Variants in MRC2 observed in about 807,000 individuals in gnomAD.
MRC2 encodes C-type mannose receptor 2.
Under a neutral mutation model 206.2 loss-of-function variants are expected in MRC2, and 84 were observed. The ratio of observed to expected loss-of-function variants is 0.41; its 90% CI spans 0.34 to 0.49. The LOEUF is 0.49. Among genes scored for constraint, MRC2 ranks in the 20% least tolerant of loss-of-function variants. MRC2 has a pLI of 0.31. For missense variants in MRC2, 1,676 were observed against 2,001.5 expected (o/e 0.84, Z 3.10); for synonymous variants, 798 against 800.0 (o/e 1.00, Z 0.04).
At chr17:62,689,813 C>T (rs1171497776) in intron 24 of MRC2, 53 bp downstream of exon 24, 2 of 1,531,204 alleles carry the variant, frequency 1.3e-6, no homozygotes, top group Non-Finnish European at 1.8e-6. Context: ...GGTTCCCCTC[C>T]CTGCCCCTTC....
At chr17:62,674,477 G>T (rs772628986) in intron 9 of MRC2, among the ~76,000 whole-genome samples, 2 of 152,150 alleles carry the variant, frequency 1.3e-5, no homozygotes, top group Non-Finnish European at 2.9e-5. Context: ...ACCCCCGAGT[G>T]CCCCCTCAGA....
At chr17:62,683,980 T>C (rs2089002819) in intron 20 of MRC2, 2 of 152,204 alleles carry the variant, frequency 1.3e-5, no homozygotes, top group Non-Finnish European at 2.9e-5. Context: ...ACAAGGATGC[T>C]ATGCAAATTC....
chr17:62,665,004 A>C, intron 2 of MRC2, 55 bp downstream of exon 2: 1 of 1,529,948 alleles, frequency 6.5e-7, no homozygotes, highest in Non-Finnish European at 8.8e-7. Context: ...AGGGGACTGG[A>C]GCCATGAGGG....
rs757848125 is a variant in MRC2, at chr17:62,692,195, G to A, written c.4220-36G>A. 5.0e-6 allele frequency: 8 copies of A among 1,613,756 alleles called. No homozygotes were observed. In the East Asian group the frequency reaches 8.9e-5, roughly 18 times the overall value. On this transcript the variant is annotated intron_variant, in intron 29 of 29. Coordinates refer to ENST00000303375, the MANE Select transcript of MRC2 (RefSeq NM_006039.5). The surrounding 1 kb of genome is among the most constrained non-coding windows in gnomAD (Gnocchi z 4.2). The stretch of plus-strand genomic sequence containing the variant: ...GGCAGGAAGCACTGCTGGGCCTAAC[G>A]CCCACTTGGCCTTTCACGCCCACTC...
rs1198735676 is a variant in MRC2 at position 62,667,160 on chromosome 17, G to T, written c.974-230G>T. ...CAGCAGCCTGGACGGGGAGGCCGGGGCGGGGCTGGTACTGGTTACTGGGTA... is the reference window on the plus strand; with the variant it reads ...CAGCAGCCTGGACGGGGAGGCCGGGTCGGGGCTGGTACTGGTTACTGGGTA... On this transcript the variant is annotated intron_variant, in intron 5 of 29. Coordinates refer to ENST00000303375, the MANE Select transcript of MRC2 (RefSeq NM_006039.5). This position sits in a 1 kb window ranked among gnomAD's most constrained non-coding sequence, Gnocchi z 4.1. 6.6e-6 allele frequency among the ~76,000 whole-genome samples: 1 copy of T among 152,180 alleles called. No homozygotes were observed. The highest frequency in any genetic ancestry group is 2.1e-4 in the South Asian group (1 of 4,834).
chr17:62,680,159 G>A lies in MRC2; in HGVS notation c.2299-11G>A, dbSNP rs778876599. 38 of 1,613,846 alleles carry A rather than the reference G, an allele frequency of 2.4e-5. No homozygotes were observed. The highest frequency in any genetic ancestry group is 2.5e-5 in the Non-Finnish European group (30 of 1,179,958). The stretch of plus-strand genomic sequence containing the variant: ...CCTCACGTTCCTCTTCCCTCCACCC[G>A]CCTCCTCCAGTTCTCTTACCACAAT... On this transcript the variant is annotated splice_polypyrimidine_tract_variant and intron_variant, in intron 14 of 29. Coordinates refer to ENST00000303375, the MANE Select transcript of MRC2 (RefSeq NM_006039.5). This position sits in a 1 kb window ranked among gnomAD's most constrained non-coding sequence, Gnocchi z 4.8.
chr17:62,643,347 A>G (rs1273983608), intron 1 of MRC2, among the ~76,000 whole-genome samples: 2 of 149,380 alleles, frequency 1.3e-5, no homozygotes, highest in Non-Finnish European at 3.0e-5. Context: ...AAAAAAAAAA[A>G]GAAAAAGAAA....
Position 62,689,380 on chromosome 17 carries a change from C to T in MRC2, c.3335-142C>T, listed in dbSNP as rs1474309566. ...TTATTAATAACAACAGGGCTGACAC[C>T]TACCAAGCCTTGGTCTGGGCCAAGC... is the stretch of plus-strand genomic sequence containing the variant. On this transcript the variant is annotated intron_variant, in intron 23 of 29. Transcript: ENST00000303375. 6.5e-6 allele frequency: 4 copies of T among 617,726 alleles called. No homozygotes were observed. In the East Asian group the frequency reaches 1.1e-4, roughly 17 times the overall value. 38.3% of individuals were successfully genotyped at this position (617,726 alleles called of 1,614,324 possible). A position where few individuals can be genotyped will look rare whatever the true frequency, so the allele number is the denominator to read the frequency against.
At chr17:62,668,204 T>A (rs764357971) in intron 6 of MRC2, among the ~76,000 whole-genome samples, 21 of 151,440 alleles carry the variant, frequency 1.4e-4, no homozygotes, top group Non-Finnish European at 2.8e-4. Flanking sequence ...AAAATATTTT[T>A]AAAAAATTAG....
chr17:62,671,820 C>A lies in MRC2; in HGVS notation c.1289C>A (p.Thr430Asn). The change falls in exon 7 of 30, where the codon ACC (threonine) becomes AAC (asparagine). Residue 430 changes from threonine to asparagine, a missense_variant. This residue lies in a region of MRC2 where 1,354 missense variants were observed against 1,636.6 expected (regional missense o/e 0.83). Coordinates refer to ENST00000303375, the MANE Select transcript of MRC2 (RefSeq NM_006039.5). This position sits in a 1 kb window ranked among gnomAD's most constrained non-coding sequence, Gnocchi z 4.5. ...IHSMAELEFI[T>N]KQIKQEVEEL... ...AGCATGGCGGAGCTGGAATTCATCA[C>A]CAAGCAGATCAAGCAAGGTGAGGAG... 1 of 1,601,654 alleles carries A rather than the reference C, an allele frequency of 6.2e-7. No homozygotes were observed. Among genetic ancestry groups the A allele is most frequent in the Non-Finnish European group, 8.5e-7 (1 of 1,171,918 alleles).
At chr17:62,632,953 TC>T (rs1036479885) in intron 1 of MRC2, among the ~76,000 whole-genome samples, 1 of 151,960 alleles carries the variant, frequency 6.6e-6, no homozygotes, top group African/African-American at 2.4e-5. Context: ...TGGCAGTGTT[TC>T]CCCCCGTCAG....
Position 62,664,732 on chromosome 17 carries a change from C to T in MRC2, c.303C>T (p.Thr101=). Residue 101 remains threonine (T), a synonymous_variant, in exon 2 of 30, where the codon ACC becomes ACT. Transcript: ENST00000303375. This position sits in a 1 kb window ranked among gnomAD's most constrained non-coding sequence, Gnocchi z 4.7. The part of the protein sequence containing the change: ...MQCLGTGWPG[T]NTTASLGMYE... ...GCCTGGGCACAGGCTGGCCAGGCAC[C>T]AACACCACGGCCTCCCTGGGCATGT... 6.2e-7 allele frequency: 1 copy of T among 1,614,022 alleles called. No individual in the cohort carries two copies. The highest frequency in any genetic ancestry group is 1.1e-5 in the South Asian group (1 of 91,088).
intron 20 of MRC2, among the ~76,000 whole-genome samples, chr17:62,682,705 G>A (rs1267957222): frequency 6.6e-6 from 1 of 150,808 alleles, no homozygotes; most frequent in African/African-American, 2.4e-5. Context: ...GCAGTGGCGC[G>A]ATCTCGGCTC....
intron 1 of MRC2, among the ~76,000 whole-genome samples, chr17:62,641,135 C>T (rs184758528): frequency 1.5e-3 from 226 of 151,680 alleles, no homozygotes; most frequent in Non-Finnish European, 3.2e-4. Context: ...GTCACTGTGC[C>T]TGGCCTGTAG....
At position 62,667,563 on chromosome 17, in the gene MRC2, G is replaced by A. The variant is rs1184612733; in HGVS notation, c.1117+30G>A. The A allele has an allele frequency of 6.3e-7, 1 of 1,584,044 alleles. No individual in the cohort carries two copies. Among genetic ancestry groups the A allele is most frequent in the Non-Finnish European group, 8.5e-7 (1 of 1,171,904 alleles). On this transcript the variant is annotated intron_variant, in intron 6 of 29. Transcript: ENST00000303375. The surrounding 1 kb of genome is among the most constrained non-coding windows in gnomAD (Gnocchi z 4.1). ...GCCAGGGACTGTGCCGCAGGGTGGG[G>A]AGGGGCTCCCAGGGCCAGGGACACA...
chr17:62,653,070 C>G (rs1394628000), intron 1 of MRC2, among the ~76,000 whole-genome samples: 7 of 152,072 alleles, frequency 4.6e-5, no homozygotes, highest in Non-Finnish European at 8.8e-5. Context: ...GGCCTGGTGA[C>G]CCCCGGTGAG....
rs756816295 is a variant in MRC2 at position 62,664,607 on chromosome 17, G to A, written c.178G>A (p.Gly60Arg). 6.8e-6 allele frequency: 11 copies of A among 1,613,312 alleles called. No homozygotes were observed. Among genetic ancestry groups the A allele is most frequent in the Middle Eastern group, 1.6e-4 (1 of 6,084 alleles). ...GLQGCLEAQG[G>R]QVRVTPACNT... ...GCAGGGCTGCCTGGAGGCCCAGGGC[G>A]GGCAGGTCAGAGTCACCCCGGCTTG... Residue 60 changes from glycine to arginine, a missense_variant, in exon 2 of 30, where the codon GGG (glycine) becomes AGG (arginine). This residue lies in a region of MRC2 where 318 missense variants were observed against 346.7 expected (regional missense o/e 0.92). Coordinates refer to ENST00000303375, the MANE Select transcript of MRC2 (RefSeq NM_006039.5). The surrounding 1 kb of genome is among the most constrained non-coding windows in gnomAD (Gnocchi z 4.7).
chr17:62,628,910 A>G (rs1380300101), intron 1 of MRC2, among the ~76,000 whole-genome samples: 1 of 152,162 alleles, frequency 6.6e-6, no homozygotes, highest in African/African-American at 2.4e-5. Flanking sequence ...CAGTCCGTGC[A>G]GTGTCTGCAG....
intron 1 of MRC2, among the ~76,000 whole-genome samples, chr17:62,643,348 GAAAA>G (rs2088433268): frequency 7.6e-6 from 1 of 132,200 alleles, no homozygotes; most frequent in Non-Finnish European, 1.6e-5. Context: ...AAAAAAAAAA[GAAAA>G]AGAAAAGAAA....
Sources: allele counts gnomAD v4.1 joint callset (sites outside exome capture counted in the v4.1 genomes callset), GRCh38; gene constraint gnomAD v4.1.1; regional missense constraint gnomAD v4.1.1; non-coding constraint Gnocchi (gnomAD v3.1); transcripts MANE v1.5; gene names NCBI Gene and HGNC (gene_info 2026-07-23, HGNC 2026-07-21).